The following CD36 variants were observed in gnomAD, a reference collection of about 807,000 sequenced individuals.
CD36 encodes platelet glycoprotein 4.
CD36 carries 119 observed loss-of-function variants against 55.2 expected under a neutral mutation model. The ratio of observed to expected loss-of-function variants is 2.15; its 90% confidence interval spans 1.86 to 2.51. The LOEUF is 2.51. Ranked by LOEUF, CD36 falls within the 30% of genes most tolerant of loss-of-function variation. CD36 has a pLI of 0.00. For missense variants in CD36, 819 were observed against 555.5 expected (o/e 1.47, Z -4.77); for synonymous variants, 186 against 193.6 (o/e 0.96, Z 0.33).
At chr7:80,652,704 T>C (rs1168431049) in intron 3 of CD36, among the ~76,000 whole-genome samples, 2 of 152,196 alleles carry the variant, frequency 1.3e-5, no homozygotes, top group African/African-American at 4.8e-5. Context: ...CAGGATATTA[T>C]ATAAGTTATT....
At chr7:80,604,130 A>G (rs1792398827) in intron 1 of CD36, among the ~76,000 whole-genome samples, 1 of 152,024 alleles carries the variant, frequency 6.6e-6, no homozygotes, top group Admixed American at 6.6e-5. Context: ...AGGAGGTACT[A>G]GAGGAGGGGA....
chr7:80,621,784 T>C (rs1793484038), intron 1 of CD36, among the ~76,000 whole-genome samples: 1 of 152,202 alleles, frequency 6.6e-6, no homozygotes, highest in African/African-American at 2.4e-5. Flanking sequence ...TTAAGTTAAC[T>C]AGCGAGAGTG....
rs1454761945 is a variant in CD36, at chr7:80,646,938, T to A, written c.120+78T>A. The A allele has an allele frequency of 2.7e-6, 4 of 1,505,744 alleles. No homozygotes were observed. The East Asian group carries it at 9.1e-5, about 34-fold the overall frequency. 93.3% of individuals were successfully genotyped at this position (1,505,744 alleles called of 1,614,324 possible). A position where few individuals can be genotyped will look rare whatever the true frequency, so the allele number is the denominator to read the frequency against. The stretch of plus-strand genomic sequence containing the variant: ...CTTTTTTTGCTTTGTATTTACCTGC[T>A]TTATATTTCATGGTAACTGCTAATT... On this transcript the variant is annotated intron_variant, in intron 3 of 14. Coordinates refer to ENST00000447544, the MANE Select transcript of CD36 (RefSeq NM_001001548.3).
upstream of CD36, among the ~76,000 whole-genome samples, chr7:80,636,122 A>G (rs1231862607): frequency 6.6e-6 from 1 of 152,132 alleles, no homozygotes; most frequent in Non-Finnish European, 1.5e-5. Flanking sequence ...GTCAATTGGC[A>G]GAATTTCTTC....
At chr7:80,671,850 A>G in intron 10 of CD36, 72 bp from the exon 11 acceptor site, 1 of 1,395,020 alleles carries the variant, frequency 7.2e-7, no homozygotes, top group Non-Finnish European at 1.0e-6. Context: ...AGTTTTGTGG[A>G]AATATTTTTT....
At chr7:80,622,270 C>T (rs55643637) in intron 1 of CD36, among the ~76,000 whole-genome samples, 2,648 of 152,342 alleles carry the variant, frequency 0.017, 92 homozygotes, top group African/African-American at 0.061. Flanking sequence ...GCTTGGGAAA[C>T]GCTGAATGCT....
intron 1 of CD36, among the ~76,000 whole-genome samples, chr7:80,606,317 G>C (rs1470297366): frequency 2.0e-5 from 3 of 152,026 alleles, no homozygotes; most frequent in Non-Finnish European, 4.4e-5. Context: ...TAGTTTAATG[G>C]AATGTTACTA....
Position 80,669,963 on chromosome 7 carries a change from A to G in CD36, c.759A>G (p.Ser253=). The G allele has an allele frequency of 6.2e-7, 1 of 1,612,076 alleles. No homozygotes were observed. Among genetic ancestry groups the G allele is most frequent in the Non-Finnish European group, 8.5e-7 (1 of 1,178,314 alleles). The part of the protein sequence containing the change: ...CDMINGTDAA[S]FPPFVEKSQV... The stretch of plus-strand genomic sequence containing the variant: ...TCGATTTTTAAACAGATGCAGCCTC[A>G]TTTCCACCTTTTGTTGAGAAAAGCC... The change falls in exon 9 of 15, where the codon TCA becomes TCG. Residue 253 remains serine (S), a synonymous_variant. Coordinates refer to ENST00000447544, the MANE Select transcript of CD36 (RefSeq NM_001001548.3).
rs372496431 is a variant in CD36, at chr7:80,663,993, C to T, written c.610-413C>T. Among the ~76,000 whole-genome samples the T allele has an allele frequency of 5.3e-5, 8 of 152,174 alleles. No homozygotes were observed. In the South Asian group the frequency reaches 1.7e-3, roughly 32 times the overall value. ...GGCTAATGCTTTAACTTTTGGATGT[C>T]TAATTTTTATCATTTTAGTAACCAC... On this transcript the variant is annotated intron_variant, in intron 6 of 14. Transcript: ENST00000447544.
At chr7:80,621,605 C>T (rs1301784905) in intron 1 of CD36, among the ~76,000 whole-genome samples, 2 of 151,964 alleles carry the variant, frequency 1.3e-5, no homozygotes, top group South Asian at 4.1e-4. Context: ...GGTATTATGT[C>T]TAATAATTCA....
At chr7:80,614,023 G>T (rs916261142) in intron 1 of CD36, among the ~76,000 whole-genome samples, 1 of 151,978 alleles carries the variant, frequency 6.6e-6, no homozygotes, top group Non-Finnish European at 1.5e-5. Flanking sequence ...TTGTATGCCC[G>T]GCTTAGCAGC....
intron 1 of CD36, among the ~76,000 whole-genome samples, chr7:80,623,351 TTG>T (rs71518997): frequency 0.31 from 47,657 of 151,866 alleles, 7,900 homozygotes; most frequent in South Asian, 0.45. Context: ...TTCTTCCACT[TTG>T]TGGCAGAGTT....
intron 4 of CD36, 55 bp from the exon 5 acceptor site, chr7:80,661,008 T>A: frequency 8.0e-7 from 1 of 1,254,024 alleles, no homozygotes. Flanking sequence ...ACATTTGAGA[T>A]CTAATGTTCA....
At chr7:80,661,558 A>C (rs1562807700) in intron 5 of CD36, among the ~76,000 whole-genome samples, 1 of 152,166 alleles carries the variant, frequency 6.6e-6, no homozygotes, top group Non-Finnish European at 1.5e-5. Flanking sequence ...CAACTATATA[A>C]TAAAAGGTTT....
chr7:80,670,331 T>C (rs1797540432), intron 9 of CD36: 4 of 382,986 alleles, frequency 1.0e-5, no homozygotes, highest in Admixed American at 4.0e-5. Flanking sequence ...CAGAACTGTG[T>C]TAATGTGCTC....
chr7:80,674,327 T>C, intron 14 of CD36, 180 bp downstream of exon 14: 3 of 563,206 alleles, frequency 5.3e-6, no homozygotes, highest in East Asian at 3.0e-5. Context: ...CACTAAAGTA[T>C]ATCTTTAATT....
upstream of CD36, among the ~76,000 whole-genome samples, chr7:80,636,551 A>G (rs961401180): frequency 2.6e-5 from 4 of 151,588 alleles, no homozygotes; most frequent in Non-Finnish European, 5.9e-5. Context: ...AAAAAAAAGA[A>G]TTTCCAAAGA....
chr7:80,655,994 T>C (rs148722878), intron 3 of CD36, among the ~76,000 whole-genome samples: 31 of 151,906 alleles, frequency 2.0e-4, no homozygotes, highest in African/African-American at 7.5e-4. Flanking sequence ...AGACACGGTG[T>C]CAAATTTGTG....
At chr7:80,655,618 G>T (rs745578569) in intron 3 of CD36, among the ~76,000 whole-genome samples, 12 of 152,198 alleles carry the variant, frequency 7.9e-5, no homozygotes, top group Non-Finnish European at 1.3e-4. Context: ...TGAGGCTGTT[G>T]TAATTTTTGG....
Sources: allele counts gnomAD v4.1 joint callset (sites outside exome capture counted in the v4.1 genomes callset), GRCh38; gene constraint gnomAD v4.1.1; transcripts MANE v1.5; gene names NCBI Gene and HGNC (gene_info 2026-07-23, HGNC 2026-07-21).